Variants in MTUS2 observed in about 807,000 individuals in gnomAD.
The protein encoded by MTUS2 is microtubule associated scaffold protein 2.
In MTUS2, 40 loss-of-function variants were observed where a neutral mutation model predicts 114.1. That is an observed-to-expected ratio of 0.35 (90% CI 0.27 to 0.46). The LOEUF is 0.46. Ranked by LOEUF, MTUS2 falls within the 20% of genes least tolerant of loss-of-function variation. The pLI is 1.00. For synonymous variants in MTUS2, 688 were observed against 672.0 expected, an observed-to-expected ratio of 1.02 and a Z score of -0.37; for missense variants, 1,679 against 1,705.4, an observed-to-expected ratio of 0.98 and a Z score of 0.27.
At chr13:29,474,196 G>A (rs978764520) in intron 9 of MTUS2, among the ~76,000 whole-genome samples, 5 of 152,148 alleles carry the variant, frequency 3.3e-5, no homozygotes, top group Admixed American at 3.3e-4. Context: ...TTTATAGACA[G>A]CAAAACTGAG....
intron 4 of MTUS2, among the ~76,000 whole-genome samples, chr13:29,081,978 T>C (rs1166737021): frequency 6.6e-6 from 1 of 152,166 alleles, no homozygotes; most frequent in Non-Finnish European, 1.5e-5. Context: ...GTGGTGACCC[T>C]TGGTTTCAGT....
intron 5 of MTUS2, among the ~76,000 whole-genome samples, chr13:29,203,455 G>C (rs896403261): frequency 6.6e-6 from 1 of 152,082 alleles, no homozygotes; most frequent in Non-Finnish European, 1.5e-5. Flanking sequence ...GGCTCCGTGG[G>C]GGTGGGTCCC....
chr13:29,396,583 G>A (rs534995245), intron 8 of MTUS2, among the ~76,000 whole-genome samples: 1 of 152,308 alleles, frequency 6.6e-6, no homozygotes, highest in Admixed American at 6.5e-5. Flanking sequence ...CATGAGAAGG[G>A]AATCCAAGTC....
rs550722956 is a variant in MTUS2 at position 29,452,311 on chromosome 13, A to G, written c.3184+12262A>G. Among the ~76,000 whole-genome samples, 68 of 152,090 alleles carry G rather than the reference A, an allele frequency of 4.5e-4. 1 individual carries two copies. Among genetic ancestry groups the G allele is most frequent in the African/African-American group, 1.5e-3 (63 of 41,566 alleles). On this transcript the variant is annotated intron_variant, in intron 9 of 15. Transcript: ENST00000612955. ...ATAAAATTCTTTTACATCTATATGC[A>G]TAACGCTTTCTGGTTATTTTATGTG...
At chr13:28,865,075 GTGTC>G (rs1397932580) in intron 2 of MTUS2, among the ~76,000 whole-genome samples, 8 of 152,164 alleles carry the variant, frequency 5.3e-5, no homozygotes, top group African/African-American at 1.7e-4. Flanking sequence ...ATATGTGTGT[GTGTC>G]TATGTGTGTG....
At chr13:29,460,636 A>G (rs1488683471) in intron 9 of MTUS2, among the ~76,000 whole-genome samples, 1 of 152,168 alleles carries the variant, frequency 6.6e-6, no homozygotes, top group African/African-American at 2.4e-5. Context: ...CAATGAGTTT[A>G]TGAAGGGCTT....
rs755494888 is a variant in MTUS2, at chr13:29,026,172, G to A, written c.1474G>A (p.Gly492Ser). Residue 492 changes from glycine (G) to serine (S), a missense_variant, in exon 3 of 16, where the codon GGC (glycine) becomes AGC (serine). Gly to Ser is a moderately conservative substitution (Grantham distance 56). Transcript: ENST00000612955. ...EVPEPLDPQS[G>S]RSEARESKEV... The stretch of plus-strand genomic sequence containing the variant: ...GCCTGAGCCCCTGGACCCTCAAAGT[G>A]GCCGCTCAGAAGCACGGGAAAGCAA... The A allele has an allele frequency of 1.9e-6, 3 of 1,613,980 alleles. No homozygotes were observed. Among genetic ancestry groups the A allele is most frequent in the Non-Finnish European group, 2.5e-6 (3 of 1,179,884 alleles).
chr13:29,385,027 G>C (rs2892433), intron 8 of MTUS2, among the ~76,000 whole-genome samples: 2 of 151,960 alleles, frequency 1.3e-5, no homozygotes, highest in African/African-American at 4.8e-5. Context: ...TACATTTGTC[G>C]TGAGGGTCCA....
At chr13:28,983,252 T>C (rs946129597) in intron 2 of MTUS2, among the ~76,000 whole-genome samples, 8 of 152,152 alleles carry the variant, frequency 5.3e-5, no homozygotes, top group African/African-American at 1.9e-4. Context: ...TTCTCTCATA[T>C]GCCATCACTT....
intron 5 of MTUS2, among the ~76,000 whole-genome samples, chr13:29,219,154 G>T (rs1392857944): frequency 1.0e-4 from 13 of 129,604 alleles, no homozygotes; most frequent in Non-Finnish European, 1.9e-4. Flanking sequence ...CCCAGAGTGT[G>T]ATATTCCCCT....
At chr13:29,090,367 G>T in intron 4 of MTUS2, among the ~76,000 whole-genome samples, 1 of 152,102 alleles carries the variant, frequency 6.6e-6, no homozygotes, top group East Asian at 1.9e-4. Context: ...CAGCAAAAGT[G>T]CTCTGGTAGG....
chr13:29,020,808 G>A (rs928670578), intron 2 of MTUS2, among the ~76,000 whole-genome samples: 3 of 150,484 alleles, frequency 2.0e-5, no homozygotes, highest in African/African-American at 7.4e-5. Flanking sequence ...CCTTGGGAAT[G>A]TTACCTTCTC....
intron 6 of MTUS2, chr13:29,307,218 C>A: frequency 1.7e-6 from 1 of 573,170 alleles, no homozygotes; most frequent in Non-Finnish European, 3.2e-6. Flanking sequence ...TCAAGATCAT[C>A]AGCAATGCCT....
intron 5 of MTUS2, among the ~76,000 whole-genome samples, chr13:29,145,982 C>G (rs986960467): frequency 6.6e-6 from 1 of 152,212 alleles, no homozygotes; most frequent in African/African-American, 2.4e-5. Context: ...AGCCAACACT[C>G]TTACCCATGT....
intron 2 of MTUS2, among the ~76,000 whole-genome samples, chr13:28,952,201 G>A (rs763317855): frequency 7.2e-5 from 11 of 152,170 alleles, no homozygotes; most frequent in Non-Finnish European, 1.3e-4. Flanking sequence ...ACAAAGATAC[G>A]TAGGTAAAAT....
intron 5 of MTUS2, among the ~76,000 whole-genome samples, chr13:29,126,368 G>A (rs548050750): frequency 2.6e-5 from 4 of 151,962 alleles, no homozygotes; most frequent in East Asian, 1.9e-4. Context: ...TTCATTTCTC[G>A]CCTCATTTTC....
intron 8 of MTUS2, among the ~76,000 whole-genome samples, chr13:29,384,392 G>C (rs970975785): frequency 1.3e-5 from 2 of 152,178 alleles, no homozygotes; most frequent in Non-Finnish European, 2.9e-5. Context: ...GTTACATTCT[G>C]TTCAGAAGAA....
chr13:29,122,033 A>C (rs1891332760), intron 5 of MTUS2, among the ~76,000 whole-genome samples: 1 of 152,168 alleles, frequency 6.6e-6, no homozygotes, highest in Non-Finnish European at 1.5e-5. Context: ...GGTTCCTTGT[A>C]GGCTAAAGGT....
At chr13:28,848,713 C>G (rs1451898261) in intron 2 of MTUS2, among the ~76,000 whole-genome samples, 2 of 152,064 alleles carry the variant, frequency 1.3e-5, no homozygotes, top group Non-Finnish European at 2.9e-5. Flanking sequence ...TATTCCCTGC[C>G]AATCCCGCTG....
Sources: gnomAD v4.1 joint callset for allele counts (sites outside exome capture counted in the v4.1 genomes callset) on GRCh38, gnomAD v4.1.1 for gene constraint, MANE v1.5 for transcripts, NCBI Gene and HGNC (gene_info 2026-07-23, HGNC 2026-07-21) for gene names.